The following ASAP3 variants were observed in gnomAD, a reference collection of about 807,000 sequenced individuals.
ASAP3 encodes ArfGAP with SH3 domain, ankyrin repeat and PH domain 3, also known as arf-GAP with SH3 domain, ANK repeat and PH domain-containing protein 3.
ASAP3 carries 85 observed loss-of-function variants against 118.2 expected under a neutral mutation model. The observed-to-expected ratio is 0.72, with a 90% confidence interval of 0.60 to 0.86. The LOEUF is 0.86. Ranked by LOEUF, ASAP3 falls within the 40% of genes least tolerant of loss-of-function variation. ASAP3 has a pLI of 0.00. For missense variants in ASAP3, 1,026 were observed against 1,175.0 expected (o/e 0.87, Z 1.85); for synonymous variants, 432 against 477.4 (o/e 0.90, Z 1.24).
Position 23,451,517 on chromosome 1 carries a change from T to C in ASAP3, c.435A>G (p.Lys145=), listed in dbSNP as rs1346672504. ...QLRDGRQDSK[K]QLEKAWKDYE... Reference sequence around the variant, plus strand: ...AGTCCTTCCATGCCTTCTCCAGCTGTTTTTTGGAATCCTGTGGGTTAAAAA... The same window carrying C: ...AGTCCTTCCATGCCTTCTCCAGCTGCTTTTTGGAATCCTGTGGGTTAAAAA... The change falls in exon 5 of 25, where the codon AAA becomes AAG. Residue 145 remains lysine, a synonymous_variant. Coordinates refer to ENST00000336689, the MANE Select transcript of ASAP3 (RefSeq NM_017707.4). 1 of 1,614,096 alleles carries C rather than the reference T, an allele frequency of 6.2e-7. No homozygotes were observed. The highest frequency in any genetic ancestry group is 1.1e-5 in the South Asian group (1 of 91,082).
rs60436619 is a variant in ASAP3, at chr1:23,445,298, C to T, written c.474-2686G>A. On this transcript the variant is annotated intron_variant, in intron 5 of 24. Transcript: ENST00000336689. ...TGAGCCCAGAAGTTCGAAACCAGCT[C>T]GGGCATCATGGTGAAACCCTGTCTC... Among the ~76,000 whole-genome samples, 1,150 of 152,128 alleles carry T rather than the reference C, an allele frequency of 7.6e-3. 19 individuals carry two copies. Among genetic ancestry groups the T allele is most frequent in the African/African-American group, 0.026 (1,099 of 41,514 alleles).
intron 1 of ASAP3, among the ~76,000 whole-genome samples, chr1:23,463,457 T>A (rs1370517061): frequency 6.6e-6 from 1 of 152,036 alleles, no homozygotes; most frequent in African/African-American, 2.4e-5. Context: ...AGGAAGGTAT[T>A]TTGAGGAAAG....
At chr1:23,463,231 C>T (rs1329193562) in intron 1 of ASAP3, among the ~76,000 whole-genome samples, 1 of 152,110 alleles carries the variant, frequency 6.6e-6, no homozygotes, top group Admixed American at 6.6e-5. Flanking sequence ...ATGCAAGTGC[C>T]CATAGGGAGC....
chr1:23,434,241 A>G lies in ASAP3; in HGVS notation c.1951+13T>C, dbSNP rs1640549880. On this transcript the variant is annotated intron_variant, in intron 19 of 24. Transcript: ENST00000336689. ...GGAATAGGAGTCTGACGGAGGAGGT[A>G]TTCAAGCCCCACCTGTGCCAACCAA... 1 of 1,613,502 alleles carries G rather than the reference A, an allele frequency of 6.2e-7. No individual in the cohort carries two copies. Among genetic ancestry groups the G allele is most frequent in the Non-Finnish European group, 8.5e-7 (1 of 1,179,502 alleles).
chr1:23,475,063 G>A (rs916637945), intron 1 of ASAP3, among the ~76,000 whole-genome samples: 1 of 152,212 alleles, frequency 6.6e-6, no homozygotes, highest in Admixed American at 6.5e-5. Flanking sequence ...TCCTTCCTAT[G>A]TCTGGGGACT....
intron 23 of ASAP3, 113 bp from the exon 24 acceptor site, chr1:23,431,238 TCCA>T (rs1162328655): frequency 3.7e-6 from 4 of 1,089,586 alleles, no homozygotes; most frequent in East Asian, 5.2e-5. Context: ...GTGGGTAGAG[TCCA>T]CAAGGCCCCC....
At chr1:23,459,194 A>G (rs1641488577) in intron 1 of ASAP3, among the ~76,000 whole-genome samples, 2 of 143,300 alleles carry the variant, frequency 1.4e-5, no homozygotes, top group South Asian at 2.2e-4. Flanking sequence ...AAAAAAAAAG[A>G]TATGAACAAT....
chr1:23,439,313 C>G, intron 10 of ASAP3, 83 bp from the exon 11 acceptor site: 1 of 1,270,942 alleles, frequency 7.9e-7, no homozygotes. Flanking sequence ...TTTGCCCCCA[C>G]CTGTATGATC....
intron 17 of ASAP3, 119 bp from the exon 18 acceptor site, chr1:23,434,737 G>A: frequency 2.2e-6 from 2 of 905,090 alleles, no homozygotes; most frequent in South Asian, 1.6e-5. Context: ...CCAGAACCCT[G>A]GAGAGATGAG....
intron 22 of ASAP3, among the ~76,000 whole-genome samples, chr1:23,432,256 T>TCC: frequency 6.6e-6 from 1 of 152,156 alleles, no homozygotes; most frequent in East Asian, 1.9e-4. Flanking sequence ...ATCCGCCTGC[T>TCC]TCGGCCTCCC....
At chr1:23,476,117 G>A (rs926543369) in intron 1 of ASAP3, among the ~76,000 whole-genome samples, 1 of 151,970 alleles carries the variant, frequency 6.6e-6, no homozygotes, top group Non-Finnish European at 1.5e-5. Context: ...AGGCTGAGGC[G>A]GGCAGATCAT....
intron 1 of ASAP3, among the ~76,000 whole-genome samples, chr1:23,462,142 G>A (rs1342423533): frequency 6.6e-6 from 1 of 151,688 alleles, no homozygotes; most frequent in African/African-American, 2.4e-5. Flanking sequence ...TCCTGACTCA[G>A]CCTCCCGAGT....
intron 17 of ASAP3, chr1:23,435,599 C>T: frequency 1.8e-6 from 1 of 564,614 alleles, no homozygotes; most frequent in Non-Finnish European, 3.2e-6. Context: ...TTATTAACCC[C>T]TTTTATAGAT....
chr1:23,450,503 AT>A (rs1363918356), intron 5 of ASAP3, among the ~76,000 whole-genome samples: 9 of 151,894 alleles, frequency 5.9e-5, no homozygotes, highest in African/African-American at 2.2e-4. Context: ...AAATGTTAAT[AT>A]TTTAGGCTTG....
intron 24 of ASAP3, among the ~76,000 whole-genome samples, chr1:23,430,617 C>A (rs1196649398): frequency 6.6e-6 from 1 of 152,198 alleles, no homozygotes; most frequent in Non-Finnish European, 1.5e-5. Flanking sequence ...GAAGTGATGC[C>A]TTCTCTGAGC....
chr1:23,455,999 C>T lies in ASAP3; in HGVS notation c.230G>A (p.Arg77Gln), dbSNP rs148331468. Reference protein sequence around the residue: ...LGHVENEEQYREAVESLGNSH... With the variant: ...LGHVENEEQYQEAVESLGNSH... Reference sequence around the variant, plus strand: ...GTTGCCTAAGGATTCCACGGCCTCTCGGTACTGCTCTTCATTCTCCACATG... The same window carrying T: ...GTTGCCTAAGGATTCCACGGCCTCTTGGTACTGCTCTTCATTCTCCACATG... Residue 77 changes from arginine (R) to glutamine (Q), a missense_variant, in exon 3 of 25, where the codon CGA becomes CAA. Physicochemically the swap from Arg to Gln is conservative, Grantham distance 43. Transcript: ENST00000336689. 1.9e-5 allele frequency: 31 copies of T among 1,613,976 alleles called. No individual in the cohort carries two copies. The highest frequency in any genetic ancestry group is 2.6e-5 in the Non-Finnish European group (31 of 1,180,024).
intron 1 of ASAP3, 140 bp from the exon 2 acceptor site, chr1:23,456,334 TC>T: frequency 1.3e-6 from 1 of 752,032 alleles, no homozygotes; most frequent in African/African-American, 1.8e-5. Flanking sequence ...CTGGAACTTA[TC>T]CCTAGGGTCT....
rs774503253 is a variant in ASAP3 at position 23,434,588 on chromosome 1, C to T, written c.1780G>A (p.Val594Ile). The T allele has an allele frequency of 6.2e-7, 1 of 1,614,030 alleles. No homozygotes were observed. Among genetic ancestry groups the T allele is most frequent in the Non-Finnish European group, 8.5e-7 (1 of 1,180,036 alleles). The change falls in exon 18 of 25, where the codon GTC becomes ATC. Residue 594 changes from valine to isoleucine, a missense_variant. By Grantham distance (29) the Val-to-Ile change is conservative (BLOSUM62 3). Transcript: ENST00000336689. ...AGGGAAGCCTGGTTGGCGACTTTGA[C>T]AGCCAAATGCAAGACGAGTTCTTCA... ...APEELVLHLA[V>I]KVANQASLPL...
chr1:23,464,179 CAAA>C (rs538178084), intron 1 of ASAP3, among the ~76,000 whole-genome samples: 5 of 139,834 alleles, frequency 3.6e-5, no homozygotes, highest in Admixed American at 7.2e-5. Flanking sequence ...CGATCTATAC[CAAA>C]AAAAAAAAAA....
Sources: gnomAD v4.1 joint callset for allele counts (sites outside exome capture counted in the v4.1 genomes callset) on GRCh38, gnomAD v4.1.1 for gene constraint, MANE v1.5 for transcripts, NCBI Gene and HGNC (gene_info 2026-07-23, HGNC 2026-07-21) for gene names.